The following HTR2B variants were observed in gnomAD, a reference collection of about 807,000 sequenced individuals.
HTR2B encodes the protein 5-HT 2B receptor.
A neutral mutation model predicts 39.8 loss-of-function variants in HTR2B; 31 were observed. The ratio of observed to expected loss-of-function variants is 0.78; its 90% CI spans 0.58 to 1.05. The LOEUF is 1.05. Among genes scored for constraint, HTR2B ranks in the 50% least tolerant of loss-of-function variants. The pLI, the probability that HTR2B is intolerant of heterozygous loss-of-function variation, is 0.00. For missense variants in HTR2B, 562 were observed against 578.0 expected, an observed-to-expected ratio of 0.97 and a Z score of 0.28; for synonymous variants, 210 against 207.1, an observed-to-expected ratio of 1.01 and a Z score of -0.12.
At position 231,113,916 on chromosome 2, in the gene HTR2B, G is replaced by A; in HGVS notation, c.366C>T (p.Pro122=). The A allele has an allele frequency of 1.2e-6, 2 of 1,613,888 alleles. No individual in the cohort carries two copies. Among genetic ancestry groups the A allele is most frequent in the Non-Finnish European group, 1.7e-6 (2 of 1,179,834 alleles). The change falls in exon 3 of 4, where the codon CCC becomes CCT. Residue 122 remains proline (P), a synonymous_variant. Transcript: ENST00000258400. The stretch of plus-strand genomic sequence containing the variant: ...AGGCAGGACATAGAACAAGTGGGAG[G>A]GGCCACATAGCCTCTGAAAGAAACA... ...LLTIMFEAMW[P]LPLVLCPAWL...
In HTR2B at chr2:231,114,849, TA is replaced by T. The variant is rs1370718503; in HGVS notation, c.353-921del. Among the ~76,000 whole-genome samples the T allele has an allele frequency of 3.3e-5, 5 of 152,298 alleles. No homozygotes were observed. The East Asian group carries it at 5.8e-4, about 18-fold the overall frequency. Reference sequence around the variant, plus strand: ...TGCATTATATATTACACCCACCACTTAACATGTTTACAGTTTCAAAACAACT... The same window carrying T: ...TGCATTATATATTACACCCACCACTTACATGTTTACAGTTTCAAAACAACT... On this transcript the variant is annotated intron_variant, in intron 2 of 3. Transcript: ENST00000258400.
At chr2:231,113,491 A>G (rs1695226567) in intron 3 of HTR2B, among the ~76,000 whole-genome samples, 2 of 152,210 alleles carry the variant, frequency 1.3e-5, no homozygotes, top group Non-Finnish European at 2.9e-5. Context: ...CTCAATAAAC[A>G]CTGTGCAGAT....
At position 231,113,841 on chromosome 2, in the gene HTR2B, A is replaced by C; in HGVS notation, c.441T>G (p.Cys147Trp). 1 of 1,614,166 alleles carries C rather than the reference A, an allele frequency of 6.2e-7. No homozygotes were observed. Among genetic ancestry groups the C allele is most frequent in the Non-Finnish European group, 8.5e-7 (1 of 1,179,998 alleles). Residue 147 changes from cysteine to tryptophan, a missense_variant, in exon 3 of 4, where the codon TGT (cysteine) becomes TGG (tryptophan). Physicochemically the swap from Cys to Trp is radical, Grantham distance 215. Coordinates refer to ENST00000258400, the MANE Select transcript of HTR2B (RefSeq NM_000867.5). ...CTATGTAACGATCCACTGAAATGGC[A>C]CAGAGATGCATGATGGATGCGGTTG... Reference protein sequence around the residue: ...LFSTASIMHLCAISVDRYIAI... With the variant: ...LFSTASIMHLWAISVDRYIAI...
rs776666091 is a variant in HTR2B, at chr2:231,123,685, A to T, written c.80T>A (p.Ile27Asn). The change falls in exon 2 of 4, where the codon ATC (isoleucine) becomes AAC (asparagine). Residue 27 changes from isoleucine to asparagine, a missense_variant. Ile to Asn is a moderately radical substitution (Grantham distance 149). Transcript: ENST00000258400. ...CTGTAATCCAGACCAGTTAGAAGAG[A>T]TAACGTGAACAAAGGTGCTCTGCAA... Reference protein sequence around the residue: ...HILQSTFVHVISSNWSGLQTE... With the variant: ...HILQSTFVHVNSSNWSGLQTE... The T allele has an allele frequency of 7.4e-6, 12 of 1,613,998 alleles. No individual in the cohort carries two copies. Among genetic ancestry groups the T allele is most frequent in the Non-Finnish European group, 1.0e-5 (12 of 1,179,960 alleles).
At position 231,108,480 on chromosome 2, in the gene HTR2B, T is replaced by C; in HGVS notation, c.*37A>G. The stretch of plus-strand genomic sequence containing the variant: ...CACATTTACATCTCATTCATCATCT[T>C]ACTCATCATTATGTTTGATGACAAC... On this transcript the variant is annotated 3_prime_UTR_variant, in exon 4 of 4. Transcript: ENST00000258400. 1 of 1,481,036 alleles carries C rather than the reference T, an allele frequency of 6.8e-7. No homozygotes were observed. The highest frequency in any genetic ancestry group is 9.4e-7 in the Non-Finnish European group (1 of 1,061,148). The allele number at this position is 1,481,036 out of a possible 1,614,324, so 91.7% of individuals were successfully genotyped here.
At chr2:231,118,146 T>G (rs777388004) in intron 2 of HTR2B, among the ~76,000 whole-genome samples, 23 of 152,122 alleles carry the variant, frequency 1.5e-4, no homozygotes, top group Admixed American at 3.9e-4. Flanking sequence ...TTTTATAGGA[T>G]TTCTTTAATA....
intron 2 of HTR2B, among the ~76,000 whole-genome samples, chr2:231,122,512 A>G (rs1292783575): frequency 2.6e-5 from 4 of 152,148 alleles, no homozygotes; most frequent in Admixed American, 6.5e-5. Flanking sequence ...TATGAATGGA[A>G]TATCAGTTTA....
chr2:231,111,263 C>CT (rs1418104996), intron 3 of HTR2B, among the ~76,000 whole-genome samples: 5 of 152,198 alleles, frequency 3.3e-5, no homozygotes, highest in Admixed American at 1.3e-4. Flanking sequence ...ATTATGAACT[C>CT]TAATACTTCC....
chr2:231,120,064 G>A (rs1695483778), intron 2 of HTR2B, among the ~76,000 whole-genome samples: 2 of 150,314 alleles, frequency 1.3e-5, no homozygotes, highest in South Asian at 4.2e-4. Flanking sequence ...CTATTCTCCT[G>A]CCTCAGTCTC....
intron 3 of HTR2B, among the ~76,000 whole-genome samples, chr2:231,113,245 G>C (rs1308369228): frequency 6.6e-6 from 1 of 152,192 alleles, no homozygotes; most frequent in Admixed American, 6.5e-5. Context: ...GTACAGAAAT[G>C]TTGGCTTCCA....
chr2:231,115,274 T>A (rs1436394164), intron 2 of HTR2B, among the ~76,000 whole-genome samples: 1 of 152,158 alleles, frequency 6.6e-6, no homozygotes, highest in Non-Finnish European at 1.5e-5. Context: ...GAGATTTTTT[T>A]AAAGTCAGGT....
chr2:231,117,045 GAC>G (rs1695366090), intron 2 of HTR2B, among the ~76,000 whole-genome samples: 3 of 152,052 alleles, frequency 2.0e-5, no homozygotes, highest in Admixed American at 6.5e-5. Flanking sequence ...AACAGTTCTA[GAC>G]ACACTTGTTT....
intron 2 of HTR2B, among the ~76,000 whole-genome samples, chr2:231,122,136 A>C (rs1695566484): frequency 6.6e-6 from 1 of 152,134 alleles, no homozygotes; most frequent in East Asian, 1.9e-4. Context: ...AAACAGGGAG[A>C]TAGAAAGACT....
In HTR2B at chr2:231,108,482, CTCA is replaced by C; in HGVS notation, c.*32_*34del. ...CATTTACATCTCATTCATCATCTTA[CTCA>C]TCATTATGTTTGATGACAACTGCCA... is the stretch of plus-strand genomic sequence containing the variant. On this transcript the variant is annotated 3_prime_UTR_variant, in exon 4 of 4. Coordinates refer to ENST00000258400, the MANE Select transcript of HTR2B (RefSeq NM_000867.5). 2.0e-6 allele frequency: 3 copies of C among 1,490,360 alleles called. No homozygotes were observed. Among genetic ancestry groups the C allele is most frequent in the Non-Finnish European group, 2.8e-6 (3 of 1,069,436 alleles). The allele number at this position is 1,490,360 out of a possible 1,614,324, so 92.3% of individuals were successfully genotyped here.
At chr2:231,112,267 T>A (rs966326614) in intron 3 of HTR2B, among the ~76,000 whole-genome samples, 2 of 152,198 alleles carry the variant, frequency 1.3e-5, no homozygotes, top group Non-Finnish European at 2.9e-5. Flanking sequence ...CACTTCAAAT[T>A]TTAATTTTCA....
At position 231,109,082 on chromosome 2, in the gene HTR2B, G is replaced by T; in HGVS notation, c.881C>A (p.Pro294His). ...LDGSRKDKAL[P>H]NSGDETLMRR... ...CATAAGTGTTTCATCACCTGAGTTG[G>T]GCAGAGCCTTGTCCTTTCGAGAACC... Residue 294 changes from proline (P) to histidine (H), a missense_variant, in exon 4 of 4, where the codon CCC (proline) becomes CAC (histidine). By Grantham distance (77) the Pro-to-His change is moderately conservative. Transcript: ENST00000258400. 2 of 1,614,158 alleles carry T rather than the reference G, an allele frequency of 1.2e-6. No homozygotes were observed. The highest frequency in any genetic ancestry group is 1.1e-5 in the South Asian group (1 of 91,086).
Position 231,108,889 on chromosome 2 carries a change from G to A in HTR2B, c.1074C>T (p.Leu358=), listed in dbSNP as rs1412773305. 6.2e-7 allele frequency: 1 copy of A among 1,614,150 alleles called. No individual in the cohort carries two copies. Among genetic ancestry groups the A allele is most frequent in the Admixed American group, 1.7e-5 (1 of 60,028 alleles). ...VLCDSCNQTT[L]QMLLEIFVWI... The stretch of plus-strand genomic sequence containing the variant: ...ACACAAATATCTCCAGGAGCATTTG[G>A]AGAGTAGTTTGGTTACAGGAATCAC... Residue 358 remains leucine, a synonymous_variant, in exon 4 of 4, where the codon CTC becomes CTT. Coordinates refer to ENST00000258400, the MANE Select transcript of HTR2B (RefSeq NM_000867.5).
intron 2 of HTR2B, among the ~76,000 whole-genome samples, chr2:231,119,681 G>A (rs528081879): frequency 6.6e-6 from 1 of 151,990 alleles, no homozygotes; most frequent in East Asian, 2.0e-4. Context: ...GACCAGCCTG[G>A]CCAAAGTGGC....
chr2:231,120,767 A>G (rs1422566505), intron 2 of HTR2B, among the ~76,000 whole-genome samples: 1 of 152,196 alleles, frequency 6.6e-6, no homozygotes, highest in Non-Finnish European at 1.5e-5. Context: ...AGCTAAAATT[A>G]TTGCTCATAG....
Sources: allele counts gnomAD v4.1 joint callset (sites outside exome capture counted in the v4.1 genomes callset), GRCh38; gene constraint gnomAD v4.1.1; transcripts MANE v1.5; gene names NCBI Gene and HGNC (gene_info 2026-07-23, HGNC 2026-07-21).